RAB28: variants seen among roughly 807,000 people sequenced by gnomAD.
RAB28 encodes the protein ras-related protein Rab-28.
In RAB28, 24 loss-of-function variants were observed where a neutral mutation model predicts 31.7. The observed-to-expected ratio is 0.76, with a 90% CI of 0.55 to 1.06. The LOEUF is 1.06. Among genes scored for constraint, RAB28 ranks in the 50% least tolerant of loss-of-function variants. The probability of loss-of-function intolerance (pLI) is 0.00; values close to 1 mark genes in which losing one functional copy is unlikely to be tolerated. For missense variants in RAB28, 254 were observed against 258.5 expected (o/e 0.98, Z 0.12); for synonymous variants, 100 against 90.4 (o/e 1.11, Z -0.60).
At chr4:13,416,602 C>T (rs758038202) in intron 4 of RAB28, among the ~76,000 whole-genome samples, 25 of 152,118 alleles carry the variant, frequency 1.6e-4, no homozygotes, top group Non-Finnish European at 3.1e-4. Flanking sequence ...AATTCTAGAA[C>T]AGGCAAAACC....
At chr4:13,464,342 G>A (rs1715740654) in intron 3 of RAB28, among the ~76,000 whole-genome samples, 1 of 152,064 alleles carries the variant, frequency 6.6e-6, no homozygotes, top group Non-Finnish European at 1.5e-5. Flanking sequence ...GGCATACTCT[G>A]CAGAATAAAT....
intron 4 of RAB28, among the ~76,000 whole-genome samples, chr4:13,416,470 A>C (rs1412576327): frequency 6.6e-6 from 1 of 152,200 alleles, no homozygotes; most frequent in South Asian, 2.1e-4. Context: ...CCAAGAACCC[A>C]CCAATTCCGG....
Position 13,423,484 on chromosome 4 carries a change from G to C in RAB28, c.391+37215C>G, listed in dbSNP as rs142233592. Reference sequence around the variant, plus strand: ...TGGGCAACAAGTGAAACTCCGTCTCGGGGGGGAAAAAAAAAGGTGAGAATA... The same window carrying C: ...TGGGCAACAAGTGAAACTCCGTCTCCGGGGGGAAAAAAAAAGGTGAGAATA... On this transcript the variant is annotated intron_variant, in intron 4 of 6. Transcript: ENST00000330852. 3.3e-4 allele frequency among the ~76,000 whole-genome samples: 50 copies of C among 151,190 alleles called. No homozygotes were observed. The East Asian group carries it at 9.7e-3, about 29-fold the overall frequency.
chr4:13,464,554 A>T (rs925765410), intron 3 of RAB28, among the ~76,000 whole-genome samples: 4 of 152,014 alleles, frequency 2.6e-5, no homozygotes, highest in African/African-American at 9.7e-5. Context: ...CCACAACACT[A>T]CCAGGGCACC....
chr4:13,455,007 A>G (rs1231604193), intron 4 of RAB28, among the ~76,000 whole-genome samples: 1 of 152,094 alleles, frequency 6.6e-6, no homozygotes, highest in Non-Finnish European at 1.5e-5. Flanking sequence ...CAGAATATTG[A>G]TGGCTAGCCT....
At position 13,371,968 on chromosome 4, in the gene RAB28, AG is replaced by A. The variant is rs1408957106; in HGVS notation, c.574-3319del. 41 of 1,185,632 alleles carry A rather than the reference AG, an allele frequency of 3.5e-5. No homozygotes were observed. The South Asian group carries it at 5.2e-4, about 15-fold the overall frequency. 73.4% of individuals were successfully genotyped at this position (1,185,632 alleles called of 1,614,324 possible). ...CTGGAAATGGAAGTGGCAGCCATGG[AG>A]GGCATAAGCAAGAAAGCAACCTATG... On this transcript the variant is annotated intron_variant, in intron 6 of 6. Coordinates refer to ENST00000330852, the MANE Select transcript of RAB28 (RefSeq NM_001017979.3).
intron 4 of RAB28, among the ~76,000 whole-genome samples, chr4:13,458,453 T>TA (rs1202647550): frequency 6.6e-6 from 1 of 152,116 alleles, no homozygotes; most frequent in Non-Finnish European, 1.5e-5. Flanking sequence ...TTGGAAAAGA[T>TA]AATTCTCTTG....
At chr4:13,465,516 T>C (rs1229653467) in intron 3 of RAB28, among the ~76,000 whole-genome samples, 3 of 145,950 alleles carry the variant, frequency 2.1e-5, no homozygotes, top group Non-Finnish European at 3.0e-5. Context: ...TGACAGAAAA[T>C]TTAAAAAAAA....
chr4:13,466,440 T>A (rs1454319908), intron 3 of RAB28, among the ~76,000 whole-genome samples: 2 of 149,244 alleles, frequency 1.3e-5, no homozygotes, highest in South Asian at 4.1e-4. Flanking sequence ...CTAACAGATA[T>A]ATTTTTTAAA....
chr4:13,474,113 T>C, intron 3 of RAB28: 1 of 713,640 alleles, frequency 1.4e-6, no homozygotes. Context: ...GTTCAGAGTT[T>C]TCCTGTTCCC....
chr4:13,479,002 T>C (rs1716489159), intron 2 of RAB28, among the ~76,000 whole-genome samples: 1 of 151,664 alleles, frequency 6.6e-6, no homozygotes, highest in Non-Finnish European at 1.5e-5. Context: ...GTTCCATAGC[T>C]ACATTATACT....
At chr4:13,428,059 C>T (rs1035575186) in intron 4 of RAB28, among the ~76,000 whole-genome samples, 4 of 152,148 alleles carry the variant, frequency 2.6e-5, no homozygotes, top group African/African-American at 9.7e-5. Context: ...GGGCTGCATG[C>T]ATCAGTAATC....
At chr4:13,452,043 CTTTA>C (rs572539145) in intron 4 of RAB28, among the ~76,000 whole-genome samples, 23 of 151,702 alleles carry the variant, frequency 1.5e-4, no homozygotes, top group Non-Finnish European at 3.1e-4. Flanking sequence ...TGCTTGCTTG[CTTTA>C]TTTATTTATT....
At chr4:13,436,091 A>G (rs1714087514) in intron 4 of RAB28, among the ~76,000 whole-genome samples, 1 of 152,220 alleles carries the variant, frequency 6.6e-6, no homozygotes, top group Admixed American at 6.5e-5. Flanking sequence ...CATAAAAAGA[A>G]ATAAAAACAA....
chr4:13,392,379 A>T (rs1353924883), intron 4 of RAB28, among the ~76,000 whole-genome samples: 3 of 152,166 alleles, frequency 2.0e-5, no homozygotes, highest in African/African-American at 7.2e-5. Context: ...CCAAGAGATG[A>T]CCTCTGTTAT....
chr4:13,464,599 A>C (rs1338351373), intron 3 of RAB28, among the ~76,000 whole-genome samples: 3 of 152,104 alleles, frequency 2.0e-5, no homozygotes, highest in African/African-American at 7.2e-5. Flanking sequence ...GATTTCACCT[A>C]AAGAGTTCTT....
At chr4:13,410,354 C>T (rs149334241) in intron 4 of RAB28, among the ~76,000 whole-genome samples, 28 of 152,190 alleles carry the variant, frequency 1.8e-4, no homozygotes, top group East Asian at 1.7e-3. Flanking sequence ...ACTCCTACAA[C>T]GGATAAGGGT....
Position 13,369,206 on chromosome 4 carries a change from C to T in RAB28, c.574-556G>A, listed in dbSNP as rs1728623843. On this transcript the variant is annotated intron_variant, in intron 6 of 6. Coordinates refer to ENST00000330852, the MANE Select transcript of RAB28 (RefSeq NM_001017979.3). The stretch of plus-strand genomic sequence containing the variant: ...AATCTTTTCCAACTTCTAAACCTTT[C>T]CTCCAAAATCCCTATTTCCAAATGG... 2.0e-5 allele frequency among the ~76,000 whole-genome samples: 3 copies of T among 152,048 alleles called. No homozygotes were observed. In the South Asian group the frequency reaches 6.2e-4, roughly 31 times the overall value.
At chr4:13,375,300 C>A (rs1577148703) in intron 6 of RAB28, among the ~76,000 whole-genome samples, 1 of 152,132 alleles carries the variant, frequency 6.6e-6, no homozygotes, top group East Asian at 1.9e-4. Flanking sequence ...GGCACATAAC[C>A]TATTAATTTT....
Sources: allele counts gnomAD v4.1 joint callset (sites outside exome capture counted in the v4.1 genomes callset), GRCh38; gene constraint gnomAD v4.1.1; transcripts MANE v1.5; gene names NCBI Gene and HGNC (gene_info 2026-07-23, HGNC 2026-07-21).